VAT1L: variants seen among roughly 807,000 people sequenced by gnomAD.
VAT1L encodes putative NADPH-dependent quinone oxidoreductase VAT1L.
Under a neutral mutation model 44.1 loss-of-function variants are expected in VAT1L, and 34 were observed. The observed-to-expected ratio is 0.77, with a 90% CI of 0.59 to 1.03. VAT1L has a LOEUF of 1.03. VAT1L is among the 50% of genes least tolerant of loss of function. The pLI is 0.00. For synonymous variants in VAT1L, 253 were observed against 202.2 expected (o/e 1.25, Z -2.13); for missense variants, 615 against 538.8 (o/e 1.14, Z -1.40).
rs560983325 is a variant in VAT1L, at chr16:77,938,464, G to C, written c.1078-33386G>C. On this transcript the variant is annotated intron_variant, in intron 7 of 8. Transcript: ENST00000302536. The stretch of plus-strand genomic sequence containing the variant: ...TTGAATTGTAATCCCCAGTGTTGGA[G>C]GAGGGGCTGGGTGGGAGGTGACTGG... Among the ~76,000 whole-genome samples, 55 of 152,320 alleles carry C rather than the reference G, an allele frequency of 3.6e-4. 1 individual carries two copies. Among genetic ancestry groups the C allele is most frequent in the Admixed American group, 3.2e-3 (49 of 15,298 alleles).
intron 3 of VAT1L, among the ~76,000 whole-genome samples, chr16:77,852,196 C>T (rs2016814957): frequency 6.6e-6 from 1 of 152,186 alleles, no homozygotes; most frequent in African/African-American, 2.4e-5. Flanking sequence ...TGAAAGTGGA[C>T]TGACCTCTCT....
At chr16:77,836,602 G>A (rs565787397) in intron 3 of VAT1L, among the ~76,000 whole-genome samples, 23 of 152,214 alleles carry the variant, frequency 1.5e-4, no homozygotes, top group Admixed American at 1.2e-3. Flanking sequence ...CGAGGGCCCC[G>A]CCTCCTTGCT....
chr16:77,911,584 C>T (rs2017500148), intron 7 of VAT1L, among the ~76,000 whole-genome samples: 1 of 152,222 alleles, frequency 6.6e-6, no homozygotes, highest in Admixed American at 6.5e-5. Context: ...CTTGCAGTGT[C>T]TTCACAAGCT....
intron 7 of VAT1L, among the ~76,000 whole-genome samples, chr16:77,937,602 G>A (rs1356666342): frequency 6.6e-6 from 1 of 152,188 alleles, no homozygotes; most frequent in Non-Finnish European, 1.5e-5. Context: ...GGCTAGAAAG[G>A]GAGCTGGAAC....
At chr16:77,908,288 C>T (rs2017460159) in intron 7 of VAT1L, among the ~76,000 whole-genome samples, 2 of 150,764 alleles carry the variant, frequency 1.3e-5, no homozygotes, top group South Asian at 4.2e-4. Flanking sequence ...GGTGAAATTC[C>T]GTCTCTATGA....
At chr16:77,802,398 C>T (rs2016074000) in intron 1 of VAT1L, among the ~76,000 whole-genome samples, 2 of 151,974 alleles carry the variant, frequency 1.3e-5, no homozygotes, top group Admixed American at 1.3e-4. Context: ...GGGTGGAGCA[C>T]AAGGTCAGGA....
chr16:77,792,848 C>T (rs925456139), intron 1 of VAT1L, among the ~76,000 whole-genome samples: 2 of 152,170 alleles, frequency 1.3e-5, no homozygotes, highest in Non-Finnish European at 1.5e-5. Flanking sequence ...CATCCCCCTT[C>T]ATAGTATTGT....
In VAT1L at chr16:77,876,350, T is replaced by G. The variant is rs762940093; in HGVS notation, c.723-20T>G. The G allele has an allele frequency of 1.2e-6, 2 of 1,612,010 alleles. No individual in the cohort carries two copies. Among genetic ancestry groups the G allele is most frequent in the Admixed American group, 1.7e-5 (1 of 60,004 alleles). ...CTCCTGACAGGTCACAGAATTTTGC[T>G]TTGCCTTCTCACCATTTAGAATCTC... On this transcript the variant is annotated intron_variant, in intron 4 of 8. Coordinates refer to ENST00000302536, the MANE Select transcript of VAT1L (RefSeq NM_020927.3).
At chr16:77,831,962 CCCA>C in intron 3 of VAT1L, among the ~76,000 whole-genome samples, 1 of 150,426 alleles carries the variant, frequency 6.6e-6, no homozygotes, top group South Asian at 2.1e-4. Flanking sequence ...ACTACAGGCG[CCCA>C]CCACCATGCC....
chr16:77,862,309 G>A (rs972757193), intron 3 of VAT1L, among the ~76,000 whole-genome samples: 1 of 152,120 alleles, frequency 6.6e-6, no homozygotes, highest in African/African-American at 2.4e-5. Flanking sequence ...CTACCACAAA[G>A]ACTAATCCAA....
chr16:77,858,789 A>G (rs2016886286), intron 3 of VAT1L, among the ~76,000 whole-genome samples: 1 of 152,134 alleles, frequency 6.6e-6, no homozygotes. Flanking sequence ...ACTTGAGGCC[A>G]GGAATTCTAG....
intron 4 of VAT1L, among the ~76,000 whole-genome samples, chr16:77,868,755 G>C (rs1350048965): frequency 1.3e-5 from 2 of 152,104 alleles, no homozygotes; most frequent in Non-Finnish European, 2.9e-5. Flanking sequence ...TGCTTGGTTA[G>C]ATCAGAGCTT....
chr16:77,921,370 C>G (rs1469011276), intron 7 of VAT1L, among the ~76,000 whole-genome samples: 1 of 152,134 alleles, frequency 6.6e-6, no homozygotes, highest in African/African-American at 2.4e-5. Flanking sequence ...GTATCTCATA[C>G]GGGTGCTTGA....
chr16:77,798,035 G>C (rs2015969940), intron 1 of VAT1L, among the ~76,000 whole-genome samples: 1 of 152,158 alleles, frequency 6.6e-6, no homozygotes, highest in Non-Finnish European at 1.5e-5. Context: ...CATGCCGTCA[G>C]CATCTGTCCT....
chr16:77,970,051 T>TAAAAA (rs36120858), intron 7 of VAT1L, among the ~76,000 whole-genome samples: 1 of 86,818 alleles, frequency 1.2e-5, no homozygotes, highest in Non-Finnish European at 2.1e-5. Context: ...ACATCTCTAC[T>TAAAAA]AAAAAAAAAA....
In VAT1L at chr16:77,971,880, C is replaced by G; in HGVS notation, c.1108C>G (p.Arg370Gly). The G allele has an allele frequency of 1.2e-6, 2 of 1,613,758 alleles. No individual in the cohort carries two copies. Among genetic ancestry groups the G allele is most frequent in the Non-Finnish European group, 1.7e-6 (2 of 1,179,856 alleles). ...GGAGGCCATGCAGCGGATTCACGAC[C>G]GAGGGAACATTGGCAAGTTAATTCT... is the stretch of plus-strand genomic sequence containing the variant. ...VKEAMQRIHD[R>G]GNIGKLILDV... is the part of the protein sequence containing the mutation. The change falls in exon 8 of 9, where the codon CGA becomes GGA. Residue 370 changes from arginine (R) to glycine (G), a missense_variant. Arg to Gly is a moderately radical substitution (Grantham distance 125, BLOSUM62 -2). Transcript: ENST00000302536.
chr16:77,955,561 C>G (rs2018093372), intron 7 of VAT1L, among the ~76,000 whole-genome samples: 1 of 152,144 alleles, frequency 6.6e-6, no homozygotes, highest in African/African-American at 2.4e-5. Flanking sequence ...CCTGTCTCCA[C>G]TAAAAATACA....
intron 7 of VAT1L, among the ~76,000 whole-genome samples, chr16:77,912,339 T>A (rs1336358901): frequency 6.6e-6 from 1 of 152,138 alleles, no homozygotes; most frequent in Non-Finnish European, 1.5e-5. Context: ...ATGAGTTCAA[T>A]AAACAAAATA....
chr16:77,948,598 C>T (rs187360681), intron 7 of VAT1L, among the ~76,000 whole-genome samples: 51 of 152,288 alleles, frequency 3.3e-4, no homozygotes, highest in Non-Finnish European at 6.8e-4. Flanking sequence ...CCCCATACTC[C>T]TTCCCTGTTA....
Sources: allele counts gnomAD v4.1 joint callset (sites outside exome capture counted in the v4.1 genomes callset), GRCh38; gene constraint gnomAD v4.1.1; transcripts MANE v1.5; gene names NCBI Gene and HGNC (gene_info 2026-07-23, HGNC 2026-07-21).